Variants in TNNI3K observed in about 807,000 individuals in gnomAD.
TNNI3K encodes the protein serine/threonine-protein kinase TNNI3K.
Under a neutral mutation model 114.5 loss-of-function variants are expected in TNNI3K, and 140 were observed. That is an observed-to-expected ratio of 1.22 (90% confidence interval 1.07 to 1.41). The LOEUF is 1.41. Ranked by LOEUF, TNNI3K falls within the 40% of genes most tolerant of loss-of-function variation. The pLI, the probability that TNNI3K is intolerant of heterozygous loss-of-function variation, is 0.00. For missense variants in TNNI3K, 1,125 were observed against 1,007.6 expected (o/e 1.12, Z -1.58); for synonymous variants, 347 against 347.5 (o/e 1.00, Z 0.02).
chr1:74,240,725 A>G (rs968879912), intron 2 of TNNI3K: 2 of 151,940 alleles, frequency 1.3e-5, no homozygotes, highest in Admixed American at 6.6e-5. Context: ...AATCTATAAT[A>G]TGAAATTTAA....
At chr1:74,420,983 T>C (rs1665367467) in intron 17 of TNNI3K, among the ~76,000 whole-genome samples, 1 of 152,144 alleles carries the variant, frequency 6.6e-6, no homozygotes, top group African/African-American at 2.4e-5. Context: ...GGCGATGAAC[T>C]TCAGCAGCAT....
intron 19 of TNNI3K, among the ~76,000 whole-genome samples, chr1:74,436,770 A>T (rs2100663935): frequency 6.6e-6 from 1 of 152,192 alleles, no homozygotes. Flanking sequence ...AATATGTTTC[A>T]AATATAACTG....
intron 17 of TNNI3K, among the ~76,000 whole-genome samples, chr1:74,377,715 C>T (rs759765238): frequency 8.6e-5 from 13 of 151,832 alleles, no homozygotes; most frequent in Admixed American, 1.3e-4. Flanking sequence ...ATTTCTGTTT[C>T]GGCTATCTGT....
At chr1:74,255,494 A>G (rs1248763383) in intron 4 of TNNI3K, among the ~76,000 whole-genome samples, 2 of 152,084 alleles carry the variant, frequency 1.3e-5, no homozygotes, top group Admixed American at 6.6e-5. Context: ...ATGACTGTAT[A>G]TTTTCTAATC....
At chr1:74,273,997 G>A (rs545456848) in intron 5 of TNNI3K, among the ~76,000 whole-genome samples, 1 of 151,896 alleles carries the variant, frequency 6.6e-6, no homozygotes, top group South Asian at 2.1e-4. Context: ...TGGGAGTTAG[G>A]AGCACTGATC....
chr1:74,469,836 CT>C (rs1667837514), intron 21 of TNNI3K: 2 of 400,048 alleles, frequency 5.0e-6, no homozygotes, highest in Non-Finnish European at 8.9e-6. Flanking sequence ...TTGAAGAAAG[CT>C]AAAGTAGAAA....
chr1:74,506,451 G>T (rs961980816), intron 23 of TNNI3K, among the ~76,000 whole-genome samples: 2 of 152,152 alleles, frequency 1.3e-5, no homozygotes, highest in African/African-American at 4.8e-5. Flanking sequence ...TTTACTACTT[G>T]CTGAGCTGCT....
At chr1:74,393,544 G>C (rs992365045) in intron 17 of TNNI3K, among the ~76,000 whole-genome samples, 1 of 152,158 alleles carries the variant, frequency 6.6e-6, no homozygotes, top group African/African-American at 2.4e-5. Flanking sequence ...TCTATCTCTT[G>C]TGCTATGTCT....
At chr1:74,489,441 G>A (rs543201281) in intron 22 of TNNI3K, among the ~76,000 whole-genome samples, 193 bp downstream of exon 22, 3 of 152,314 alleles carry the variant, frequency 2.0e-5, no homozygotes, top group South Asian at 2.1e-4. Context: ...GGCAAAGTCA[G>A]AGTGAATTCG....
At chr1:74,358,800 T>C (rs528846678) in intron 11 of TNNI3K, among the ~76,000 whole-genome samples, 1 of 151,550 alleles carries the variant, frequency 6.6e-6, no homozygotes, top group East Asian at 1.9e-4. Flanking sequence ...GTCATTAGAA[T>C]GGAAAAACCT....
At chr1:74,309,415 CA>C (rs1289843798) in intron 5 of TNNI3K, among the ~76,000 whole-genome samples, 1 of 143,678 alleles carries the variant, frequency 7.0e-6, no homozygotes, top group African/African-American at 2.6e-5. Flanking sequence ...GAAACTATTC[CA>C]AAAAAATCAA....
intron 17 of TNNI3K, chr1:74,373,975 T>A (rs1022312940): frequency 1.3e-5 from 2 of 151,940 alleles, no homozygotes; most frequent in African/African-American, 4.8e-5. Flanking sequence ...CTGGTATTAA[T>A]TGCTGTAGCA....
intron 17 of TNNI3K, among the ~76,000 whole-genome samples, chr1:74,411,448 G>A (rs1664874919): frequency 6.6e-6 from 1 of 152,078 alleles, no homozygotes; most frequent in Admixed American, 6.6e-5. Flanking sequence ...GCAGCCAAAA[G>A]GGGTCTAACA....
At chr1:74,463,985 T>C (rs1667559951) in intron 21 of TNNI3K, among the ~76,000 whole-genome samples, 1 of 152,208 alleles carries the variant, frequency 6.6e-6, no homozygotes, top group Non-Finnish European at 1.5e-5. Context: ...TGGGTCCTAA[T>C]CCCTCTCTAA....
chr1:74,238,132 T>A (rs1327626591), intron 2 of TNNI3K, among the ~76,000 whole-genome samples: 1 of 151,976 alleles, frequency 6.6e-6, no homozygotes, highest in Admixed American at 6.6e-5. Context: ...AATGAATGAG[T>A]ACCATAGAAA....
intron 21 of TNNI3K, chr1:74,470,963 C>A: frequency 2.5e-6 from 1 of 400,702 alleles, no homozygotes; most frequent in Non-Finnish European, 4.4e-6. Context: ...AATGGTAAAA[C>A]ATCACTTCCT....
intron 17 of TNNI3K, among the ~76,000 whole-genome samples, chr1:74,412,386 C>T (rs370209716): frequency 1.3e-5 from 2 of 152,040 alleles, no homozygotes; most frequent in African/African-American, 2.4e-5. Context: ...CCAGCAAACA[C>T]GACACAAGCA....
chr1:74,357,878 G>T (rs1436849227), intron 11 of TNNI3K, among the ~76,000 whole-genome samples: 3 of 152,016 alleles, frequency 2.0e-5, no homozygotes, highest in Non-Finnish European at 2.9e-5. Flanking sequence ...CAAAGGACCA[G>T]CATGAATCAA....
chr1:74,472,256 C>A, intron 21 of TNNI3K: 1 of 707,500 alleles, frequency 1.4e-6, no homozygotes, highest in East Asian at 2.7e-5. Context: ...ATTACCCCAA[C>A]CAAACAGATG....
Sources: allele counts gnomAD v4.1 joint callset (sites outside exome capture counted in the v4.1 genomes callset), GRCh38; gene constraint gnomAD v4.1.1; transcripts MANE v1.5; gene names NCBI Gene and HGNC (gene_info 2026-07-23, HGNC 2026-07-21).